RGS7BP: variants seen among roughly 807,000 people sequenced by gnomAD.
RGS7BP encodes regulator of G protein signaling 7 binding protein, also known as regulator of G protein signaling 7-binding protein.
A neutral mutation model predicts 31.3 loss-of-function variants in RGS7BP; 9 were observed. The observed-to-expected ratio is 0.29, with a 90% CI of 0.17 to 0.50. The LOEUF is 0.50. Among genes scored for constraint, RGS7BP ranks in the 20% least tolerant of loss-of-function variants. RGS7BP has a pLI of 0.98. For synonymous variants in RGS7BP, 115 were observed against 120.1 expected, an observed-to-expected ratio of 0.96 and a Z score of 0.28; for missense variants, 274 against 322.0, an observed-to-expected ratio of 0.85 and a Z score of 1.14.
rs1743474732 is a variant in RGS7BP at position 64,610,517 on chromosome 5, C to T, written c.*1265C>T. The T allele has an allele frequency of 1.3e-5, 2 of 151,882 alleles. No individual in the cohort carries two copies. Among genetic ancestry groups the T allele is most frequent in the Admixed American group, 1.3e-4 (2 of 15,210 alleles). The allele number at this position is 151,882 out of a possible 1,614,324, so 9.4% of individuals were successfully genotyped here. ...TCCATAGTCTGAAAAACCTTCAAGT[C>T]AGACAGGAGGCACCAGTGTCCAGTA... On this transcript the variant is annotated 3_prime_UTR_variant, in exon 6 of 6. Coordinates refer to ENST00000334025, the MANE Select transcript of RGS7BP (RefSeq NM_001029875.3).
chr5:64,569,218 AAG>A (rs1298592166), intron 2 of RGS7BP, among the ~76,000 whole-genome samples: 1 of 152,106 alleles, frequency 6.6e-6, no homozygotes, highest in Non-Finnish European at 1.5e-5. Context: ...ACATGCTGTG[AAG>A]AGAGGGGAAT....
chr5:64,572,047 A>C (rs1307903427), intron 2 of RGS7BP, among the ~76,000 whole-genome samples: 1 of 152,190 alleles, frequency 6.6e-6, no homozygotes, highest in Non-Finnish European at 1.5e-5. Flanking sequence ...TGACTCTCAT[A>C]GACCTAAACT....
chr5:64,569,641 A>G (rs1222788103), intron 2 of RGS7BP, among the ~76,000 whole-genome samples: 1 of 152,154 alleles, frequency 6.6e-6, no homozygotes, highest in African/African-American at 2.4e-5. Flanking sequence ...ACGTAGATGT[A>G]TGGGACCACC....
intron 2 of RGS7BP, among the ~76,000 whole-genome samples, chr5:64,542,074 CTCTG>C (rs1439509881): frequency 2.0e-5 from 3 of 152,318 alleles, no homozygotes; most frequent in African/African-American, 4.8e-5. Flanking sequence ...TCTATCCTCT[CTCTG>C]TCTGTTCTGA....
chr5:64,539,422 G>A (rs887143683), intron 2 of RGS7BP: 2 of 152,116 alleles, frequency 1.3e-5, no homozygotes, highest in East Asian at 3.9e-4. Context: ...TGTGCTTCTG[G>A]TGTCTTATTT....
intron 2 of RGS7BP, among the ~76,000 whole-genome samples, chr5:64,572,647 T>A (rs1742326012): frequency 6.6e-6 from 1 of 152,120 alleles, no homozygotes; most frequent in Non-Finnish European, 1.5e-5. Context: ...AACCTTAGCA[T>A]CAATTAATTT....
chr5:64,515,070 G>A (rs1218618973), intron 2 of RGS7BP, among the ~76,000 whole-genome samples: 3 of 152,208 alleles, frequency 2.0e-5, no homozygotes, highest in Non-Finnish European at 2.9e-5. Context: ...ACTCTGAAGT[G>A]CAAGAGACCA....
At chr5:64,543,499 A>G (rs145524679) in intron 2 of RGS7BP, among the ~76,000 whole-genome samples, 1 of 152,380 alleles carries the variant, frequency 6.6e-6, no homozygotes, top group East Asian at 1.9e-4. Context: ...TGTGACAGTT[A>G]TCTCTCACTC....
chr5:64,558,335 T>C (rs1375153831), intron 2 of RGS7BP, among the ~76,000 whole-genome samples: 4 of 152,166 alleles, frequency 2.6e-5, no homozygotes, highest in Non-Finnish European at 5.9e-5. Context: ...TTCATGGACA[T>C]TTGTTAGTTC....
Position 64,568,074 on chromosome 5 carries a change from T to C in RGS7BP, c.333-7700T>C, listed in dbSNP as rs115568124. On this transcript the variant is annotated intron_variant, in intron 2 of 5. Transcript: ENST00000334025. ...GCTCTCTTTTAAAATAATATATAGA[T>C]ATAAATAGTTTTAAAATACATATAT... Among the ~76,000 whole-genome samples the C allele has an allele frequency of 5.5e-3, 837 of 151,774 alleles. 6 individuals carry two copies. The highest frequency in any genetic ancestry group is 0.016 in the African/African-American group (673 of 41,484).
intron 2 of RGS7BP, among the ~76,000 whole-genome samples, chr5:64,566,371 T>C (rs146897034): frequency 4.6e-5 from 7 of 152,226 alleles, no homozygotes; most frequent in South Asian, 2.1e-4. Flanking sequence ...AGGTGCAGAA[T>C]AGACAGTACA....
chr5:64,561,112 A>G lies in RGS7BP; in HGVS notation c.333-14662A>G, dbSNP rs550108639. On this transcript the variant is annotated intron_variant, in intron 2 of 5. Transcript: ENST00000334025. Reference sequence around the variant, plus strand: ...TTTTCCCCATACCCCCACATACACTAGCTTACACTAGCCTGATGGTCCTCC... The same window carrying G: ...TTTTCCCCATACCCCCACATACACTGGCTTACACTAGCCTGATGGTCCTCC... Among the ~76,000 whole-genome samples the G allele has an allele frequency of 1.1e-3, 173 of 152,186 alleles. 1 individual carries two copies. The highest frequency in any genetic ancestry group is 4.1e-3 in the Admixed American group (63 of 15,276).
At chr5:64,541,268 C>T (rs755823561) in intron 2 of RGS7BP, among the ~76,000 whole-genome samples, 4 of 152,078 alleles carry the variant, frequency 2.6e-5, no homozygotes, top group South Asian at 2.1e-4. Flanking sequence ...TGGGAACTAA[C>T]TGAGGGAGAA....
chr5:64,506,312 A>C lies in RGS7BP; in HGVS notation c.-313A>C, dbSNP rs919355577. 2 of 264,496 alleles carry C rather than the reference A, an allele frequency of 7.6e-6. No homozygotes were observed. The highest frequency in any genetic ancestry group is 1.1e-3 in the Middle Eastern group (1 of 884). The allele number at this position is 264,496 out of a possible 1,614,324, so 16.4% of individuals were successfully genotyped here. A position where few individuals can be genotyped will look rare whatever the true frequency, so the allele number is the denominator to read the frequency against. On this transcript the variant is annotated 5_prime_UTR_variant, in exon 1 of 6. It removes an upstream start codon present in the reference 5' UTR. Coordinates refer to ENST00000334025, the MANE Select transcript of RGS7BP (RefSeq NM_001029875.3). The surrounding 1 kb of genome is among the most constrained non-coding windows in gnomAD (Gnocchi z 4.6). Reference sequence around the variant, plus strand: ...TCCTTCTCGCCCAGCCTTGCAATCCATGCCGAGAGGAAGGCAGTGCGAGCC... The same window carrying C: ...TCCTTCTCGCCCAGCCTTGCAATCCCTGCCGAGAGGAAGGCAGTGCGAGCC...
rs1038068398 is a variant in RGS7BP at position 64,609,983 on chromosome 5, G to T, written c.*731G>T. ...ATGATGTCTTTTTCAGCTTCTTGGA[G>T]AATGAAGTAATCCAGTTAGGAAATG... On this transcript the variant is annotated 3_prime_UTR_variant, in exon 6 of 6. Coordinates refer to ENST00000334025, the MANE Select transcript of RGS7BP (RefSeq NM_001029875.3). 6.6e-6 allele frequency: 1 copy of T among 152,412 alleles called. No homozygotes were observed. The highest frequency in any genetic ancestry group is 2.4e-5 in the African/African-American group (1 of 41,410). The allele number at this position is 152,412 out of a possible 1,614,324, so 9.4% of individuals were successfully genotyped here.
chr5:64,595,552 T>C (rs376969502), intron 4 of RGS7BP, among the ~76,000 whole-genome samples: 6 of 152,280 alleles, frequency 3.9e-5, no homozygotes, highest in East Asian at 3.9e-4. Flanking sequence ...AATAATATTA[T>C]AATAAATACC....
intron 2 of RGS7BP, among the ~76,000 whole-genome samples, chr5:64,572,817 T>A (rs1385332873): frequency 6.6e-6 from 1 of 151,752 alleles, no homozygotes; most frequent in African/African-American, 2.4e-5. Flanking sequence ...CTTTTTTTTT[T>A]TAATTTTATT....
chr5:64,575,283 T>G (rs10067169), intron 2 of RGS7BP, among the ~76,000 whole-genome samples: 6 of 152,012 alleles, frequency 3.9e-5, no homozygotes, highest in Non-Finnish European at 7.4e-5. Flanking sequence ...AAAGGAAGAA[T>G]CTTTAGACTG....
At chr5:64,537,357 T>C (rs1741404007) in intron 2 of RGS7BP, among the ~76,000 whole-genome samples, 3 of 152,206 alleles carry the variant, frequency 2.0e-5, no homozygotes, top group Admixed American at 6.5e-5. Context: ...GGGTCACTTG[T>C]AGCCCTTGTC....
Sources: gnomAD v4.1 joint callset for allele counts (sites outside exome capture counted in the v4.1 genomes callset) on GRCh38, gnomAD v4.1.1 for gene constraint, Gnocchi (gnomAD v3.1) non-coding constraint, MANE v1.5 for transcripts, NCBI Gene and HGNC (gene_info 2026-07-23, HGNC 2026-07-21) for gene names.